Variants in ZFP28 observed in about 807,000 individuals in gnomAD.
The protein encoded by ZFP28 is ZFP28 zinc finger protein.
Under a neutral mutation model 39.5 loss-of-function variants are expected in ZFP28, and 31 were observed. The observed-to-expected ratio is 0.79, with a 90% CI of 0.59 to 1.06. ZFP28 has a LOEUF of 1.06. ZFP28 is among the 50% of genes least tolerant of loss of function. The probability of loss-of-function intolerance (pLI) is 0.00; values close to 1 mark genes in which losing one functional copy is unlikely to be tolerated. For missense variants in ZFP28, 925 were observed against 1,048.4 expected, an observed-to-expected ratio of 0.88 and a Z score of 1.63; for synonymous variants, 400 against 378.6, an observed-to-expected ratio of 1.06 and a Z score of -0.66.
In ZFP28 at chr19:56,554,620, C is replaced by A. The variant is rs1205771875; in HGVS notation, c.1835C>A (p.Thr612Asn). ...IHLASHLRIH[T>N]GEKPFECAEC... Reference sequence around the variant, plus strand: ...CTTGCCAGTCATTTAAGGATTCATACTGGGGAGAAGCCTTTTGAATGTGCG... The same window carrying A: ...CTTGCCAGTCATTTAAGGATTCATAATGGGGAGAAGCCTTTTGAATGTGCG... The change falls in exon 8 of 8, where the codon ACT becomes AAT. Residue 612 changes from threonine (T) to asparagine (N), a missense_variant. By Grantham distance (65) the Thr-to-Asn change is moderately conservative. This residue lies in a region of ZFP28 where 369 missense variants were observed against 505.5 expected (regional missense o/e 0.73). Coordinates refer to ENST00000301318, the MANE Select transcript of ZFP28 (RefSeq NM_020828.2). The surrounding 1 kb of genome is among the most constrained non-coding windows in gnomAD (Gnocchi z 6.7). 6.2e-7 allele frequency: 1 copy of A among 1,613,736 alleles called. No individual in the cohort carries two copies. Among genetic ancestry groups the A allele is most frequent in the East Asian group, 2.2e-5 (1 of 44,866 alleles).
Position 56,547,406 on chromosome 19 carries a change from T to C in ZFP28, c.301-102T>C. The C allele has an allele frequency of 6.5e-7, 1 of 1,535,038 alleles. No homozygotes were observed. The highest frequency in any genetic ancestry group is 8.9e-7 in the Non-Finnish European group (1 of 1,118,850). On this transcript the variant is annotated intron_variant, in intron 2 of 7. Transcript: ENST00000301318. The surrounding 1 kb of genome is among the most constrained non-coding windows in gnomAD (Gnocchi z 4.6). The stretch of plus-strand genomic sequence containing the variant: ...AAAGTACTGGGGATTAGGAGTTTAA[T>C]GTAGGAGTTTTGTCAGGGGACACAT...
chr19:56,541,090 G>A (rs1038869121), intron 2 of ZFP28, among the ~76,000 whole-genome samples: 7 of 152,050 alleles, frequency 4.6e-5, no homozygotes, highest in South Asian at 2.1e-4. Context: ...CTGAGCCGCC[G>A]GCCTGTGTAT....
chr19:56,553,633 T>C (rs2044323763), intron 7 of ZFP28, 51 bp from the exon 8 acceptor site: 1 of 1,520,014 alleles, frequency 6.6e-7, no homozygotes. Flanking sequence ...GGCAGATTCC[T>C]TTTTCCTAGC....
At chr19:56,551,373 T>C in intron 7 of ZFP28, 2 of 985,896 alleles carry the variant, frequency 2.0e-6, no homozygotes, top group Non-Finnish European at 2.4e-6. Flanking sequence ...TTAGATCCAT[T>C]TAAGTCAGGA....
Position 56,547,434 on chromosome 19 carries a change from C to T in ZFP28, c.301-74C>T, listed in dbSNP as rs1013651489. On this transcript the variant is annotated intron_variant, in intron 2 of 7. Transcript: ENST00000301318. This position sits in a 1 kb window ranked among gnomAD's most constrained non-coding sequence, Gnocchi z 4.6. ...AGGAGTTTTGTCAGGGGACACATTT[C>T]TTTCTATAACAAACCCCCAGTCATG... The T allele has an allele frequency of 2.0e-5, 32 of 1,583,244 alleles. No individual in the cohort carries two copies. The highest frequency in any genetic ancestry group is 2.7e-5 in the Non-Finnish European group (31 of 1,155,622).
At chr19:56,546,428 G>A (rs1490378313) in intron 2 of ZFP28, 1 of 152,172 alleles carries the variant, frequency 6.6e-6, no homozygotes, top group Non-Finnish European at 1.5e-5. Flanking sequence ...GAGCTGAGCA[G>A]CCCCATCTTG....
intron 5 of ZFP28, 115 bp from the exon 6 acceptor site, chr19:56,549,951 GT>G: frequency 2.9e-6 from 2 of 690,390 alleles, no homozygotes; most frequent in Non-Finnish European, 5.0e-6. Flanking sequence ...CAGAACTTAA[GT>G]TGCAGTTCTT....
Position 56,555,342 on chromosome 19 carries a change from G to A in ZFP28, c.2557G>A (p.Asp853Asn), listed in dbSNP as rs1055233343. 6.2e-7 allele frequency: 1 copy of A among 1,613,246 alleles called. No homozygotes were observed. The highest frequency in any genetic ancestry group is 1.3e-5 in the African/African-American group (1 of 74,962). The stretch of plus-strand genomic sequence containing the variant: ...TTTACCTTCCACGTCAAATCCTGTG[G>A]ATCTGTTTCCCAAATTTCTCTGGAA... ...PSLPSTSNPVDLFPKFLWNPS... is the reference protein window; with the variant it reads ...PSLPSTSNPVNLFPKFLWNPS... Residue 853 changes from aspartate to asparagine, a missense_variant, in exon 8 of 8, where the codon GAT (aspartate) becomes AAT (asparagine). Around this residue, in one of 2 missense-constraint regions of ZFP28, gnomAD observed 369 missense variants for 505.5 expected, o/e 0.73. Transcript: ENST00000301318.
At chr19:56,543,355 TTA>T (rs1050883798) in intron 2 of ZFP28, among the ~76,000 whole-genome samples, 1 of 145,330 alleles carries the variant, frequency 6.9e-6, no homozygotes, top group African/African-American at 2.5e-5. Context: ...TATGTATATT[TTA>T]TATATATATT....
At chr19:56,541,573 A>T (rs2044195419) in intron 2 of ZFP28, among the ~76,000 whole-genome samples, 1 of 152,036 alleles carries the variant, frequency 6.6e-6, no homozygotes, top group Non-Finnish European at 1.5e-5. Flanking sequence ...CCTGTTACTG[A>T]CCAGGCCCTA....
rs1275061622 is a variant in ZFP28, at chr19:56,547,604, T to C, written c.397T>C (p.Leu133=). The change falls in exon 3 of 8, where the codon TTG becomes CTG. Residue 133 remains leucine, a synonymous_variant. Coordinates refer to ENST00000301318, the MANE Select transcript of ZFP28 (RefSeq NM_020828.2). The surrounding 1 kb of genome is among the most constrained non-coding windows in gnomAD (Gnocchi z 4.6). ...IQRNLYRKVM[L]ENYRNLASLG... is the part of the protein sequence containing the mutation. Reference sequence around the variant, plus strand: ...GAGGAACTTGTACAGGAAGGTGATGTTGGAGAACTACAGGAACCTGGCATC... The same window carrying C: ...GAGGAACTTGTACAGGAAGGTGATGCTGGAGAACTACAGGAACCTGGCATC... 5.0e-6 allele frequency: 8 copies of C among 1,613,186 alleles called. No homozygotes were observed. Among genetic ancestry groups the C allele is most frequent in the Admixed American group, 3.3e-5 (2 of 59,942 alleles).
intron 7 of ZFP28, chr19:56,552,372 T>G (rs2044311876): frequency 6.6e-6 from 1 of 152,022 alleles, no homozygotes; most frequent in Admixed American, 6.6e-5. Flanking sequence ...TTTTGTAGTT[T>G]AAAAAAAATT....
Position 56,555,090 on chromosome 19 carries a change from C to T in ZFP28, c.2305C>T (p.Arg769Cys), listed in dbSNP as rs1181851836. 1.4e-5 allele frequency: 22 copies of T among 1,613,986 alleles called. No individual in the cohort carries two copies. The highest frequency in any genetic ancestry group is 1.8e-5 in the Non-Finnish European group (21 of 1,180,018). ...CSVCGKAFSHRQSLSVHQRIH... is the reference protein window; with the variant it reads ...CSVCGKAFSHCQSLSVHQRIH... ...TGTGTGTGGCAAAGCCTTTAGTCAT[C>T]GTCAATCCCTTAGTGTACATCAGAG... Residue 769 changes from arginine to cysteine, a missense_variant, in exon 8 of 8, where the codon CGT becomes TGT. This residue lies in a region of ZFP28 where 369 missense variants were observed against 505.5 expected (regional missense o/e 0.73). Coordinates refer to ENST00000301318, the MANE Select transcript of ZFP28 (RefSeq NM_020828.2).
upstream of ZFP28, among the ~76,000 whole-genome samples, chr19:56,538,726 C>G (rs1191807065): frequency 6.7e-6 from 1 of 149,130 alleles, no homozygotes; most frequent in Admixed American, 6.7e-5. Context: ...GCGGCGCTGC[C>G]TGCGCACTGG....
intron 2 of ZFP28, 139 bp downstream of exon 2, chr19:56,539,855 G>A (rs2044179699): frequency 2.8e-6 from 2 of 704,014 alleles, no homozygotes; most frequent in South Asian, 1.9e-5. Context: ...CTAGTGAAGT[G>A]ATGGGCTACG....
Position 56,549,054 on chromosome 19 carries a change from G to A in ZFP28, c.620G>A (p.Ser207Asn), listed in dbSNP as rs777104372. 2 of 1,614,124 alleles carry A rather than the reference G, an allele frequency of 1.2e-6. No individual in the cohort carries two copies. Among genetic ancestry groups the A allele is most frequent in the South Asian group, 1.1e-5 (1 of 91,070 alleles). The change falls in exon 5 of 8, where the codon AGC (serine) becomes AAC (asparagine). Residue 207 changes from serine (S) to asparagine (N), a missense_variant. By Grantham distance (46) the Ser-to-Asn change is conservative (BLOSUM62 1). Transcript: ENST00000301318. ...GCAGTGATAACAGAGAGACTCACAAGCTATAATCTGGAGTACTCTCTGTTA... is the reference window on the plus strand; with the variant it reads ...GCAGTGATAACAGAGAGACTCACAAACTATAATCTGGAGTACTCTCTGTTA... ...SQAVITERLTSYNLEYSLLGE... is the reference protein window; with the variant it reads ...SQAVITERLTNYNLEYSLLGE...
chr19:56,551,670 T>C, intron 7 of ZFP28: 1 of 985,380 alleles, frequency 1.0e-6, no homozygotes, highest in Non-Finnish European at 1.2e-6. Flanking sequence ...ATCTTGAAAG[T>C]ATTGGTTATT....
At chr19:56,551,826 CTT>C (rs1318892548) in intron 7 of ZFP28, 6 of 983,614 alleles carry the variant, frequency 6.1e-6, no homozygotes, top group Admixed American at 6.2e-5. Flanking sequence ...CCAGTTCTCT[CTT>C]GTGTGTTAAA....
intron 2 of ZFP28, among the ~76,000 whole-genome samples, chr19:56,543,522 A>T (rs1372986639): frequency 6.6e-6 from 1 of 152,026 alleles, no homozygotes; most frequent in Non-Finnish European, 1.5e-5. Context: ...CTCCTGCCTC[A>T]GCCTTCTGAG....
Sources: gnomAD v4.1 joint callset for allele counts (sites outside exome capture counted in the v4.1 genomes callset) on GRCh38, gnomAD v4.1.1 for gene constraint, gnomAD v4.1.1 regional missense constraint, Gnocchi (gnomAD v3.1) non-coding constraint, MANE v1.5 for transcripts, NCBI Gene and HGNC (gene_info 2026-07-23, HGNC 2026-07-21) for gene names.